Variants in ARHGAP21 observed in about 807,000 individuals in gnomAD.
ARHGAP21 encodes rho GTPase-activating protein 21.
In ARHGAP21, 38 loss-of-function variants were observed where a neutral mutation model predicts 164.6. The observed-to-expected ratio is 0.23, with a 90% CI of 0.18 to 0.30. The LOEUF (loss-of-function observed/expected upper bound fraction) is 0.30, where lower values mean the gene tolerates loss of function less well. ARHGAP21 is among the 10% of genes least tolerant of loss of function. The pLI, the probability that ARHGAP21 is intolerant of heterozygous loss-of-function variation, is 1.00. For synonymous variants in ARHGAP21, 766 were observed against 857.9 expected (o/e 0.89, Z 1.87); for missense variants, 1,822 against 2,370.7 (o/e 0.77, Z 4.81).
intron 2 of ARHGAP21, among the ~76,000 whole-genome samples, chr10:24,712,618 T>C (rs901331102): frequency 1.3e-5 from 2 of 152,118 alleles, no homozygotes; most frequent in African/African-American, 4.8e-5. Flanking sequence ...ACAGACACAA[T>C]TTTTTTCCCC....
chr10:24,706,939 A>C (rs1040112433), intron 2 of ARHGAP21, among the ~76,000 whole-genome samples: 2 of 152,230 alleles, frequency 1.3e-5, no homozygotes, highest in African/African-American at 4.8e-5. Flanking sequence ...TAAATCAATC[A>C]ACTATGCTGG....
intron 4 of ARHGAP21, among the ~76,000 whole-genome samples, chr10:24,649,083 G>A (rs1049971534): frequency 2.6e-5 from 4 of 152,142 alleles, no homozygotes; most frequent in African/African-American, 9.7e-5. Context: ...TTTACATGAG[G>A]AAATATTACC....
intron 8 of ARHGAP21, among the ~76,000 whole-genome samples, chr10:24,621,973 T>C (rs934814558): frequency 6.6e-6 from 1 of 152,100 alleles, no homozygotes; most frequent in African/African-American, 2.4e-5. Context: ...ATAAAGCACA[T>C]ATAATAAAGG....
At chr10:24,673,745 C>T (rs1246311278) in intron 2 of ARHGAP21, among the ~76,000 whole-genome samples, 2 of 152,006 alleles carry the variant, frequency 1.3e-5, no homozygotes, top group African/African-American at 4.8e-5. Context: ...ACCTATAATC[C>T]CCACTACTTG....
chr10:24,628,952 C>CACTA (rs1554977802), intron 7 of ARHGAP21: 2 of 13,764 alleles, frequency 1.5e-4, no homozygotes, highest in African/African-American at 7.8e-4. Flanking sequence ...CACACACACA[C>CACTA]TATATATATA....
At chr10:24,695,738 T>C (rs986715441) in intron 2 of ARHGAP21, among the ~76,000 whole-genome samples, 13 of 152,104 alleles carry the variant, frequency 8.5e-5, no homozygotes, top group Non-Finnish European at 1.5e-5. Context: ...GAGACCCATA[T>C]GTCAAGAAAC....
intron 2 of ARHGAP21, among the ~76,000 whole-genome samples, chr10:24,704,149 C>G (rs1199913346): frequency 1.3e-5 from 2 of 152,172 alleles, no homozygotes; most frequent in Non-Finnish European, 2.9e-5. Flanking sequence ...GATCCACTCA[C>G]TTTCTTTACT....
intron 2 of ARHGAP21, among the ~76,000 whole-genome samples, chr10:24,682,025 G>A (rs2131895990): frequency 6.6e-6 from 1 of 151,908 alleles, no homozygotes; most frequent in Non-Finnish European, 1.5e-5. Context: ...TAATGACAGT[G>A]CACTTCATAT....
At position 24,620,082 on chromosome 10, in the gene ARHGAP21, T is replaced by C. The variant is rs1834390885; in HGVS notation, c.1813A>G (p.Met605Val). 9.9e-6 allele frequency: 16 copies of C among 1,613,982 alleles called. No homozygotes were observed. The highest frequency in any genetic ancestry group is 1.1e-5 in the Non-Finnish European group (13 of 1,179,864). ...SNRNFQTTCG[M>V]SLPRGISQDR... ...TGTGAAATACCCCGAGGCAGTGACATTCCACAAGTAGTCTGAAAATTTCTG... is the reference window on the plus strand; with the variant it reads ...TGTGAAATACCCCGAGGCAGTGACACTCCACAAGTAGTCTGAAAATTTCTG... Residue 605 changes from methionine to valine, a missense_variant, in exon 9 of 26, where the codon ATG (methionine) becomes GTG (valine). Met to Val is a conservative substitution (Grantham distance 21). Transcript: ENST00000396432.
chr10:24,596,922 G>A, intron 16 of ARHGAP21, 40 bp from the exon 17 acceptor site: 1 of 1,567,228 alleles, frequency 6.4e-7, no homozygotes. Context: ...ATAATAAAAT[G>A]GAAATGAGTG....
At chr10:24,698,950 G>A (rs1315922122) in intron 2 of ARHGAP21, among the ~76,000 whole-genome samples, 1 of 152,170 alleles carries the variant, frequency 6.6e-6, no homozygotes, top group African/African-American at 2.4e-5. Flanking sequence ...TATCAGCAAT[G>A]CTAAAGGTTT....
In ARHGAP21 at chr10:24,628,952, C is replaced by CTATATATATATATATA. The variant is rs71397962; in HGVS notation, c.495+1028_495+1043dup. ...ACATACATATATATACACACACACA[C>CTATATATATATATATA]TATATATATATATATATATATATAT... On this transcript the variant is annotated intron_variant, in intron 7 of 25. Coordinates refer to ENST00000396432, the MANE Select transcript of ARHGAP21 (RefSeq NM_020824.4). 8.1e-3 allele frequency: 111 copies of CTATATATATATATATA among 13,744 alleles called. 7 individuals are homozygous for CTATATATATATATATA. The highest frequency in any genetic ancestry group is 0.014 in the South Asian group (3 of 216). The allele number at this position is 13,744 out of a possible 1,614,324, so 0.9% of individuals were successfully genotyped here. A position where few individuals can be genotyped will look rare whatever the true frequency, so the allele number is the denominator to read the frequency against.
At chr10:24,660,982 C>T (rs1839632726) in intron 4 of ARHGAP21, among the ~76,000 whole-genome samples, 1 of 152,054 alleles carries the variant, frequency 6.6e-6, no homozygotes, top group South Asian at 2.1e-4. Flanking sequence ...CATCCCGAGA[C>T]CACCCTTCTC....
rs1840250673 is a variant in ARHGAP21, at chr10:24,666,923, A to AC, written c.268+61_268+62insG. 4.1e-6 allele frequency: 5 copies of AC among 1,217,282 alleles called. No individual in the cohort carries two copies. In the Admixed American group the frequency reaches 9.6e-5, roughly 23 times the overall value. 75.4% of individuals were successfully genotyped at this position (1,217,282 alleles called of 1,614,324 possible). On this transcript the variant is annotated intron_variant, in intron 4 of 25. Transcript: ENST00000396432. Reference sequence around the variant, plus strand: ...TATATCATCTCATTTAGTATCACTTAAAGAACAGAAAGAAATGGGTAGAAA... The same window carrying AC: ...TATATCATCTCATTTAGTATCACTTACAAGAACAGAAAGAAATGGGTAGAAA...
At chr10:24,606,576 A>G (rs1170940153) in intron 11 of ARHGAP21, among the ~76,000 whole-genome samples, 2 of 152,218 alleles carry the variant, frequency 1.3e-5, no homozygotes, top group African/African-American at 4.8e-5. Flanking sequence ...TTTTATGGAC[A>G]GCAATTAACA....
chr10:24,624,555 G>T (rs571410786), intron 7 of ARHGAP21, among the ~76,000 whole-genome samples: 2 of 151,614 alleles, frequency 1.3e-5, no homozygotes, highest in Non-Finnish European at 2.9e-5. Flanking sequence ...CGCCAGGTTG[G>T]TCTCGAACTC....
intron 2 of ARHGAP21, among the ~76,000 whole-genome samples, chr10:24,683,648 G>A (rs1162382106): frequency 6.6e-6 from 1 of 152,028 alleles, no homozygotes; most frequent in African/African-American, 2.4e-5. Flanking sequence ...CCAGAAGATG[G>A]TTTGTTAATA....
intron 2 of ARHGAP21, among the ~76,000 whole-genome samples, chr10:24,683,852 A>T (rs1235921223): frequency 6.6e-6 from 1 of 152,248 alleles, no homozygotes; most frequent in Non-Finnish European, 1.5e-5. Flanking sequence ...TGTTATTCTC[A>T]GGAAAATTAA....
chr10:24,600,611 G>C (rs759193176), intron 14 of ARHGAP21, 35 bp downstream of exon 14: 1 of 1,597,600 alleles, frequency 6.3e-7, no homozygotes, highest in East Asian at 2.2e-5. Flanking sequence ...GTTGTGAAAG[G>C]GTCAGATTTC....
Sources: allele counts gnomAD v4.1 joint callset (sites outside exome capture counted in the v4.1 genomes callset), GRCh38; gene constraint gnomAD v4.1.1; transcripts MANE v1.5; gene names NCBI Gene and HGNC (gene_info 2026-07-23, HGNC 2026-07-21).